Variants in GABRP observed in about 807,000 individuals in gnomAD.
The protein encoded by GABRP is gamma-aminobutyric acid type A receptor subunit pi.
Under a neutral mutation model 47.8 loss-of-function variants are expected in GABRP, and 52 were observed. That is an observed-to-expected ratio of 1.09 (90% CI 0.87 to 1.37). The LOEUF (loss-of-function observed/expected upper bound fraction) is 1.37. Ranked by LOEUF, GABRP falls within the 40% of genes most tolerant of loss-of-function variation. GABRP has a pLI of 0.00. For missense variants in GABRP, 525 were observed against 542.8 expected, an observed-to-expected ratio of 0.97 and a Z score of 0.33; for synonymous variants, 221 against 205.8, an observed-to-expected ratio of 1.07 and a Z score of -0.63.
chr5:170,801,054 A>G (rs887219222), intron 6 of GABRP, among the ~76,000 whole-genome samples: 9 of 152,224 alleles, frequency 5.9e-5, no homozygotes, highest in Non-Finnish European at 1.2e-4. Context: ...ACACCTTGCA[A>G]ACAATCCTGA....
At chr5:170,807,418 G>A (rs1379307694) in intron 7 of GABRP, among the ~76,000 whole-genome samples, 1 of 152,154 alleles carries the variant, frequency 6.6e-6, no homozygotes, top group Non-Finnish European at 1.5e-5. Context: ...TCAAAATTAT[G>A]TAATCTCATG....
At chr5:170,809,852 G>T in intron 9 of GABRP, 97 bp downstream of exon 9, 1 of 1,135,802 alleles carries the variant, frequency 8.8e-7, no homozygotes, top group Non-Finnish European at 1.3e-6. Flanking sequence ...CACCCCACCC[G>T]CAGTGATTCC....
intron 1 of GABRP, 47 bp from the exon 2 acceptor site, chr5:170,788,527 T>G (rs1581587572): frequency 1.5e-5 from 20 of 1,293,716 alleles, no homozygotes; most frequent in East Asian, 2.3e-5. Context: ...CAGGAGCAGG[T>G]GAGCCTGTTG....
At chr5:170,791,165 C>T (rs1001697830) in intron 3 of GABRP, among the ~76,000 whole-genome samples, 11 of 152,220 alleles carry the variant, frequency 7.2e-5, no homozygotes, top group Non-Finnish European at 1.2e-4. Context: ...GGTCCTTGGG[C>T]AAGGAGCTCA....
intron 1 of GABRP, among the ~76,000 whole-genome samples, chr5:170,786,100 G>T (rs921613944): frequency 1.3e-5 from 2 of 152,122 alleles, no homozygotes; most frequent in African/African-American, 4.8e-5. Context: ...TCACTAGATG[G>T]GTGGGTGCTC....
chr5:170,794,428 G>T, intron 4 of GABRP, 130 bp downstream of exon 4: 1 of 492,554 alleles, frequency 2.0e-6, no homozygotes, highest in South Asian at 4.9e-5. Flanking sequence ...CATTTGGAAT[G>T]GCAGAAGCTG....
At chr5:170,785,845 A>C (rs1457379647) in intron 1 of GABRP, among the ~76,000 whole-genome samples, 1 of 152,240 alleles carries the variant, frequency 6.6e-6, no homozygotes, top group Non-Finnish European at 1.5e-5. Context: ...GCTGATAAGC[A>C]TGTGGGAGAG....
At chr5:170,792,169 G>T (rs1034493841) in intron 3 of GABRP, among the ~76,000 whole-genome samples, 6 of 152,184 alleles carry the variant, frequency 3.9e-5, no homozygotes, top group African/African-American at 1.2e-4. Context: ...TAGGCCAAGC[G>T]CAGTGGCTCA....
At chr5:170,787,598 C>G (rs1241220480) in intron 1 of GABRP, among the ~76,000 whole-genome samples, 2 of 151,276 alleles carry the variant, frequency 1.3e-5, no homozygotes, top group Non-Finnish European at 2.9e-5. Flanking sequence ...CCAGCCTGCT[C>G]TGAAGGAAGA....
intron 5 of GABRP, among the ~76,000 whole-genome samples, chr5:170,796,426 T>C (rs973494472): frequency 6.6e-6 from 1 of 152,204 alleles, no homozygotes; most frequent in Non-Finnish European, 1.5e-5. Context: ...GTCTGTATTA[T>C]GGCACACAAC....
intron 7 of GABRP, among the ~76,000 whole-genome samples, chr5:170,806,086 T>C (rs569045954): frequency 4.6e-5 from 7 of 152,304 alleles, no homozygotes; most frequent in Non-Finnish European, 8.8e-5. Context: ...CTCCAGATAC[T>C]TGCTAATGAG....
chr5:170,785,835 G>A (rs944607054), intron 1 of GABRP, among the ~76,000 whole-genome samples: 1 of 152,212 alleles, frequency 6.6e-6, no homozygotes, highest in African/African-American at 2.4e-5. Flanking sequence ...GTGGGAAGAG[G>A]CTGATAAGCA....
chr5:170,799,557 C>T (rs1457715783), intron 6 of GABRP, among the ~76,000 whole-genome samples: 1 of 152,130 alleles, frequency 6.6e-6, no homozygotes, highest in East Asian at 1.9e-4. Context: ...TTTCATGTGT[C>T]TTTTGGCTGC....
chr5:170,796,105 C>G (rs549556872), intron 5 of GABRP, among the ~76,000 whole-genome samples: 1 of 152,198 alleles, frequency 6.6e-6, no homozygotes, highest in Non-Finnish European at 1.5e-5. Context: ...ACCTAAAGCT[C>G]CCAGAGGCCT....
At chr5:170,784,190 C>T (rs1023579751) in intron 1 of GABRP, among the ~76,000 whole-genome samples, 1 of 152,226 alleles carries the variant, frequency 6.6e-6, no homozygotes, top group African/African-American at 2.4e-5. Flanking sequence ...CTCACCTTAA[C>T]CTAATTCGGG....
chr5:170,797,381 T>G, intron 5 of GABRP, 85 bp from the exon 6 acceptor site: 1 of 824,914 alleles, frequency 1.2e-6, no homozygotes, highest in Non-Finnish European at 2.1e-6. Context: ...CCAGTGAAAG[T>G]CTTCTTTGAG....
Position 170,812,528 on chromosome 5 carries a change from G to T in GABRP, c.*270G>T. On this transcript the variant is annotated 3_prime_UTR_variant, in exon 10 of 10. Coordinates refer to ENST00000265294, the MANE Select transcript of GABRP (RefSeq NM_014211.3). Reference sequence around the variant, plus strand: ...TCCCATGGAGCCCAAGATTACAAATGTACTCAGGGCTGTTTATTCGGTGGC... The same window carrying T: ...TCCCATGGAGCCCAAGATTACAAATTTACTCAGGGCTGTTTATTCGGTGGC... 2 of 409,684 alleles carry T rather than the reference G, an allele frequency of 4.9e-6. No individual in the cohort carries two copies. The highest frequency in any genetic ancestry group is 8.8e-6 in the Non-Finnish European group (2 of 226,110). 25.4% of individuals were successfully genotyped at this position (409,684 alleles called of 1,614,324 possible).
intron 3 of GABRP, among the ~76,000 whole-genome samples, chr5:170,792,077 G>C (rs1032962572): frequency 6.6e-6 from 1 of 152,178 alleles, no homozygotes; most frequent in South Asian, 2.1e-4. Flanking sequence ...GCAATTAAAT[G>C]TCAACAAGAG....
At chr5:170,784,469 A>AGAGGCGGGGGAGACTGGGAGACAT (rs1765078920) in intron 1 of GABRP, among the ~76,000 whole-genome samples, 1 of 152,188 alleles carries the variant, frequency 6.6e-6, no homozygotes, top group Non-Finnish European at 1.5e-5. Context: ...CAAGCCAGGA[A>AGAGGCGGGGGAGACTGGGAGACAT]GAGGCGGGGG....
Sources: gnomAD v4.1 joint callset for allele counts (sites outside exome capture counted in the v4.1 genomes callset) on GRCh38, gnomAD v4.1.1 for gene constraint, MANE v1.5 for transcripts, NCBI Gene and HGNC (gene_info 2026-07-23, HGNC 2026-07-21) for gene names.